The following CENPW variants were observed in gnomAD, a reference collection of about 807,000 sequenced individuals.
The protein encoded by CENPW is cancer-up-regulated gene 2 protein.
Under a neutral mutation model 11.1 loss-of-function variants are expected in CENPW, and 3 were observed. The ratio of observed to expected loss-of-function variants is 0.27; its 90% confidence interval spans 0.12 to 0.70. CENPW has a LOEUF of 0.70. CENPW is among the 30% of genes least tolerant of loss of function. The pLI, the probability that CENPW is intolerant of heterozygous loss-of-function variation, is 0.77. For missense variants in CENPW, 100 were observed against 105.6 expected (o/e 0.95, Z 0.23); for synonymous variants, 38 against 42.0 (o/e 0.91, Z 0.37).
At chr6:126,433,055 G>C in the CENPW span, among the ~76,000 whole-genome samples, 1 of 152,158 alleles carries the variant, frequency 6.6e-6, no homozygotes, top group Non-Finnish European at 1.5e-5. Flanking sequence ...GTGGAGGCCT[G>C]TCAGTTCTGA....
At chr6:126,430,020 A>T in the CENPW span, among the ~76,000 whole-genome samples, 1 of 152,190 alleles carries the variant, frequency 6.6e-6, no homozygotes, top group East Asian at 1.9e-4. Context: ...TCAGACTCCA[A>T]GGTTGGCTCA....
chr6:126,360,928 A>G, the CENPW span, among the ~76,000 whole-genome samples: 273 of 152,170 alleles, frequency 1.8e-3, 1 homozygote, highest in Admixed American at 4.1e-3. Flanking sequence ...GGTCATTTCA[A>G]TCTGGTTATG....
the CENPW span, among the ~76,000 whole-genome samples, chr6:126,431,662 A>T: frequency 6.6e-6 from 1 of 152,202 alleles, no homozygotes; most frequent in Non-Finnish European, 1.5e-5. Context: ...CTGAGCTCTT[A>T]GAATCTAATC....
the CENPW span, among the ~76,000 whole-genome samples, chr6:126,411,073 G>A: frequency 6.6e-6 from 1 of 151,956 alleles, no homozygotes; most frequent in Non-Finnish European, 1.5e-5. Flanking sequence ...CTGTGTCTCT[G>A]TATTGATGCC....
the CENPW span, among the ~76,000 whole-genome samples, chr6:126,474,714 C>T: frequency 1.3e-5 from 2 of 152,110 alleles, no homozygotes; most frequent in Admixed American, 1.3e-4. Context: ...TTCAGCACAC[C>T]AGATCTATTT....
chr6:126,446,171 G>T, the CENPW span, among the ~76,000 whole-genome samples: 1 of 151,030 alleles, frequency 6.6e-6, no homozygotes, highest in Admixed American at 6.6e-5. Context: ...ATTCATAAAG[G>T]GGGTAGTAAA....
At chr6:126,404,213 A>T in the CENPW span, among the ~76,000 whole-genome samples, 24 of 152,226 alleles carry the variant, frequency 1.6e-4, 1 homozygote, top group South Asian at 6.2e-4. Context: ...TGATAGAGAT[A>T]TAAAAGATTA....
chr6:126,448,190 G>GT, the CENPW span, among the ~76,000 whole-genome samples: 1 of 151,062 alleles, frequency 6.6e-6, no homozygotes, highest in African/African-American at 2.4e-5. Context: ...AAATTCTTGG[G>GT]TTTGACTCAA....
the CENPW span, among the ~76,000 whole-genome samples, chr6:126,416,528 C>A: frequency 6.6e-6 from 1 of 152,178 alleles, no homozygotes; most frequent in Non-Finnish European, 1.5e-5. Context: ...CCTCCCATCA[C>A]AAGCCCAGGG....
At chr6:126,436,655 C>T in the CENPW span, among the ~76,000 whole-genome samples, 31 of 151,776 alleles carry the variant, frequency 2.0e-4, no homozygotes, top group Admixed American at 1.3e-3. Flanking sequence ...AATGACCTCA[C>T]AAAATTTTTC....
the CENPW span, among the ~76,000 whole-genome samples, chr6:126,417,849 T>C: frequency 6.6e-6 from 1 of 152,240 alleles, no homozygotes; most frequent in African/African-American, 2.4e-5. Flanking sequence ...ATACCTAAAA[T>C]ATTTTCAAAT....
the CENPW span, among the ~76,000 whole-genome samples, chr6:126,354,754 A>G: frequency 3.2e-4 from 49 of 152,024 alleles, no homozygotes; most frequent in Non-Finnish European, 5.3e-4. Context: ...TTGTCACTGT[A>G]GCAGATCTTT....
the CENPW span, among the ~76,000 whole-genome samples, chr6:126,384,889 G>A: frequency 6.6e-6 from 1 of 151,876 alleles, no homozygotes; most frequent in Non-Finnish European, 1.5e-5. Flanking sequence ...CTAATATCCA[G>A]CATCTATAAG....
At chr6:126,382,232 T>C in the CENPW span, among the ~76,000 whole-genome samples, 1 of 150,040 alleles carries the variant, frequency 6.7e-6, no homozygotes, top group South Asian at 2.1e-4. Flanking sequence ...CGAAAATCCA[T>C]CTCAAAAAAA....
chr6:126,410,413 C>T, the CENPW span, among the ~76,000 whole-genome samples: 379 of 152,110 alleles, frequency 2.5e-3, no homozygotes, highest in Non-Finnish European at 4.1e-3. Context: ...TCTTCTCTTG[C>T]TGTTTTTAGA....
chr6:126,441,454 A>T, the CENPW span, among the ~76,000 whole-genome samples: 1 of 150,552 alleles, frequency 6.6e-6, no homozygotes, highest in Non-Finnish European at 1.5e-5. Context: ...GGATTACTTA[A>T]AAAAAAAAGT....
At chr6:126,460,215 A>G in the CENPW span, among the ~76,000 whole-genome samples, 2 of 151,766 alleles carry the variant, frequency 1.3e-5, no homozygotes, top group Non-Finnish European at 3.0e-5. Context: ...ATTTGTTTTA[A>G]ATTTACTTGA....
In CENPW at chr6:126,340,179, G is replaced by C. The variant is rs186040085; in HGVS notation, c.-95G>C. 8.6e-7 allele frequency: 1 copy of C among 1,167,330 alleles called. No homozygotes were observed. Among genetic ancestry groups the C allele is most frequent in the Admixed American group, 1.9e-5 (1 of 51,738 alleles). 72.3% of individuals were successfully genotyped at this position (1,167,330 alleles called of 1,614,324 possible). A position where few individuals can be genotyped will look rare whatever the true frequency, so the allele number is the denominator to read the frequency against. On this transcript the variant is annotated 5_prime_UTR_variant, in exon 1 of 3. Coordinates refer to ENST00000368328, the MANE Select transcript of CENPW (RefSeq NM_001012507.4). Reference sequence around the variant, plus strand: ...TTTCTGCCTGAAGAAGCGTCATACGGACCGGATTGTTTTCGCTGGCCCAGT... The same window carrying C: ...TTTCTGCCTGAAGAAGCGTCATACGCACCGGATTGTTTTCGCTGGCCCAGT...
At chr6:126,481,281 T>A in the CENPW span, among the ~76,000 whole-genome samples, 1 of 152,082 alleles carries the variant, frequency 6.6e-6, no homozygotes, top group African/African-American at 2.4e-5. Context: ...AAGCAATTTT[T>A]TTTTTGGGGT....
Sources: gnomAD v4.1 joint callset for allele counts (sites outside exome capture counted in the v4.1 genomes callset) on GRCh38, gnomAD v4.1.1 for gene constraint, MANE v1.5 for transcripts, NCBI Gene and HGNC (gene_info 2026-07-23, HGNC 2026-07-21) for gene names.